Variants in ZPBP observed in about 807,000 individuals in gnomAD.
The protein encoded by ZPBP is zona pellucida binding protein, also known as zona pellucida-binding protein 1.
A neutral mutation model predicts 44.8 loss-of-function variants in ZPBP; 26 were observed. The ratio of observed to expected loss-of-function variants is 0.58; its 90% CI spans 0.43 to 0.81. The LOEUF is 0.81. Among genes scored for constraint, ZPBP ranks in the 30% least tolerant of loss-of-function variants. The pLI, the probability that ZPBP is intolerant of heterozygous loss-of-function variation, is 0.00. For synonymous variants in ZPBP, 174 were observed against 153.2 expected (o/e 1.14, Z -1.00); for missense variants, 409 against 434.0 (o/e 0.94, Z 0.51).
chr7:49,980,257 C>CATATAATATAAATATATAATAT (rs1441508606), intron 7 of ZPBP, among the ~76,000 whole-genome samples: 2 of 108,822 alleles, frequency 1.8e-5, no homozygotes, highest in Non-Finnish European at 3.5e-5. Flanking sequence ...ATATATAATA[C>CATATAATATAAATATATAATAT]ATATAATATA....
chr7:50,064,290 A>G (rs949178848), intron 3 of ZPBP, among the ~76,000 whole-genome samples: 2 of 152,200 alleles, frequency 1.3e-5, no homozygotes, highest in African/African-American at 4.8e-5. Flanking sequence ...ATAGAATATC[A>G]CAAGGCAAGT....
intron 7 of ZPBP, among the ~76,000 whole-genome samples, chr7:49,950,210 T>G (rs917321866): frequency 7.9e-5 from 12 of 151,978 alleles, no homozygotes; most frequent in Middle Eastern, 3.4e-3. Flanking sequence ...AGAAACAAAT[T>G]TCACACATGT....
At chr7:49,993,616 T>A (rs927626536) in intron 6 of ZPBP, among the ~76,000 whole-genome samples, 7 of 152,132 alleles carry the variant, frequency 4.6e-5, no homozygotes, top group Admixed American at 2.0e-4. Context: ...AGAACAAAAA[T>A]CTTCCCATTC....
At chr7:50,033,847 C>T (rs1799711187) in intron 4 of ZPBP, among the ~76,000 whole-genome samples, 1 of 152,004 alleles carries the variant, frequency 6.6e-6, no homozygotes, top group African/African-American at 2.4e-5. Flanking sequence ...TGTGCACCAC[C>T]ATACCCGGCT....
chr7:50,044,792 G>A lies in ZPBP; in HGVS notation c.487+13197C>T, dbSNP rs919539353. Reference sequence around the variant, plus strand: ...CTATTCCAAACAATAGAAAAATAGGGACTCCTCCCTAACTCATTTTATGAG... The same window carrying A: ...CTATTCCAAACAATAGAAAAATAGGAACTCCTCCCTAACTCATTTTATGAG... On this transcript the variant is annotated intron_variant, in intron 4 of 7. Transcript: ENST00000046087. Among the ~76,000 whole-genome samples, 4 of 152,254 alleles carry A rather than the reference G, an allele frequency of 2.6e-5. No homozygotes were observed. In the East Asian group the frequency reaches 7.7e-4, roughly 29 times the overall value.
chr7:49,846,625 T>G (rs1017659481), downstream of ZPBP, among the ~76,000 whole-genome samples: 3 of 152,194 alleles, frequency 2.0e-5, no homozygotes, highest in African/African-American at 7.2e-5. Flanking sequence ...GTTATTATTA[T>G]TGCCATACTT....
At chr7:49,903,191 A>C (rs1792872239) in intron 1 of ZPBP, among the ~76,000 whole-genome samples, 1 of 152,224 alleles carries the variant, frequency 6.6e-6, no homozygotes, top group Admixed American at 6.5e-5. Context: ...ACAGTTTGTC[A>C]GTTTCTTATA....
chr7:50,011,389 T>C (rs1309226794), intron 6 of ZPBP, among the ~76,000 whole-genome samples: 1 of 152,176 alleles, frequency 6.6e-6, no homozygotes. Flanking sequence ...AAAAAGCTTC[T>C]GCACAACAAA....
intron 1 of ZPBP, among the ~76,000 whole-genome samples, chr7:50,091,723 A>C (rs191775834): frequency 6.6e-6 from 1 of 152,334 alleles, no homozygotes; most frequent in Admixed American, 6.5e-5. Flanking sequence ...ATAATTGTGA[A>C]ACATATTCTG....
chr7:49,893,500 T>C (rs564881982), intron 2 of ZPBP, among the ~76,000 whole-genome samples: 157 of 152,348 alleles, frequency 1.0e-3, no homozygotes, highest in Middle Eastern at 6.8e-3. Context: ...ATTTGAACTC[T>C]TAGTTAAAAA....
intron 2 of ZPBP, among the ~76,000 whole-genome samples, chr7:49,898,097 T>C (rs1391612722): frequency 3.3e-5 from 5 of 152,128 alleles, no homozygotes; most frequent in African/African-American, 1.2e-4. Flanking sequence ...ACAACCATTA[T>C]GTATGCTTTA....
At chr7:50,033,678 G>GTTTGTTTATTTATTTATTTATTTA (rs143206693) in intron 4 of ZPBP, among the ~76,000 whole-genome samples, 35 of 148,824 alleles carry the variant, frequency 2.4e-4, no homozygotes, top group Middle Eastern at 3.4e-3. Context: ...TCTTTCTACA[G>GTTTGTTTATTTATTTATTTATTTA]TTTATTTATT....
intron 7 of ZPBP, among the ~76,000 whole-genome samples, chr7:49,983,139 T>G (rs1311379451): frequency 6.6e-6 from 1 of 152,044 alleles, no homozygotes; most frequent in Non-Finnish European, 1.5e-5. Context: ...TCCCTTGCTG[T>G]AATATTAATA....
rs187444169 is a variant in ZPBP at position 49,962,658 on chromosome 7, C to G, written c.961+20684G>C. On this transcript the variant is annotated intron_variant, in intron 7 of 7. Transcript: ENST00000046087. ...TGAGTCAATAAAAAGAAATAATGAG[C>G]AAATAGATCTTAAGAAAAAAGTAAA... Among the ~76,000 whole-genome samples the G allele has an allele frequency of 2.0e-5, 3 of 151,704 alleles. 1 individual carries two copies. Among genetic ancestry groups the G allele is most frequent in the Admixed American group, 2.0e-4 (3 of 15,238 alleles).
chr7:49,987,591 T>C (rs1797351909), intron 6 of ZPBP, among the ~76,000 whole-genome samples: 1 of 152,158 alleles, frequency 6.6e-6, no homozygotes, highest in Non-Finnish European at 1.5e-5. Flanking sequence ...GGAAACTGCA[T>C]GCTTTCCTAG....
intron 3 of ZPBP, among the ~76,000 whole-genome samples, chr7:50,058,391 A>G (rs1300984430): frequency 6.6e-6 from 1 of 152,222 alleles, no homozygotes; most frequent in Non-Finnish European, 1.5e-5. Flanking sequence ...TAACAAGGAT[A>G]CATACAGAAT....
intron 6 of ZPBP, among the ~76,000 whole-genome samples, chr7:49,989,767 T>C (rs1797477595): frequency 6.6e-6 from 1 of 152,172 alleles, no homozygotes; most frequent in African/African-American, 2.4e-5. Flanking sequence ...AAAATCTGGA[T>C]CAATATTCTA....
chr7:49,941,754 ATT>A (rs370955033), intron 7 of ZPBP, among the ~76,000 whole-genome samples: 12 of 151,302 alleles, frequency 7.9e-5, no homozygotes, highest in Non-Finnish European at 1.3e-4. Flanking sequence ...TCCCAATAAC[ATT>A]TTTTTTTGTG....
At chr7:49,990,856 T>C (rs1310454491) in intron 6 of ZPBP, among the ~76,000 whole-genome samples, 1 of 152,166 alleles carries the variant, frequency 6.6e-6, no homozygotes, top group African/African-American at 2.4e-5. Context: ...ACAAGAAGTC[T>C]AACAAGATTA....
Sources: gnomAD v4.1 joint callset for allele counts (sites outside exome capture counted in the v4.1 genomes callset) on GRCh38, gnomAD v4.1.1 for gene constraint, MANE v1.5 for transcripts, NCBI Gene and HGNC (gene_info 2026-07-23, HGNC 2026-07-21) for gene names.